The following PRKAG2 variants were observed in gnomAD, a reference collection of about 807,000 sequenced individuals.
The protein encoded by PRKAG2 is protein kinase AMP-activated non-catalytic subunit gamma 2.
A neutral mutation model predicts 69.6 loss-of-function variants in PRKAG2; 26 were observed. The ratio of observed to expected loss-of-function variants is 0.37; its 90% CI spans 0.27 to 0.52. PRKAG2 has a LOEUF of 0.52. Among genes scored for constraint, PRKAG2 ranks in the 20% least tolerant of loss-of-function variants. The probability of loss-of-function intolerance (pLI) is 0.90; values close to 1 mark genes in which losing one functional copy is unlikely to be tolerated. For synonymous variants in PRKAG2, 293 were observed against 285.0 expected, an observed-to-expected ratio of 1.03 and a Z score of -0.28; for missense variants, 557 against 740.0, an observed-to-expected ratio of 0.75 and a Z score of 2.87.
At chr7:151,656,024 C>T (rs1585536445) in intron 4 of PRKAG2, among the ~76,000 whole-genome samples, 1 of 152,092 alleles carries the variant, frequency 6.6e-6, no homozygotes, top group Admixed American at 6.6e-5. Flanking sequence ...CTGTTTGAAA[C>T]CCTGGAATTT....
rs1161672582 is a variant in PRKAG2, at chr7:151,568,562, CAG to C, written c.1233+152_1233+153del. The C allele has an allele frequency of 4.8e-5, 36 of 742,500 alleles. No individual in the cohort carries two copies. The East Asian group carries it at 9.8e-4, about 20-fold the overall frequency. The allele number at this position is 742,500 out of a possible 1,614,324, so 46.0% of individuals were successfully genotyped here. Reference sequence around the variant, plus strand: ...GAATCAACTTTAAGAATGTACAATTCAGAGAGTAGTAAGTTGAGAAACTGAAG... The same window carrying C: ...GAATCAACTTTAAGAATGTACAATTCAGAGTAGTAAGTTGAGAAACTGAAG... On this transcript the variant is annotated intron_variant, in intron 11 of 15. Coordinates refer to ENST00000287878, the MANE Select transcript of PRKAG2 (RefSeq NM_016203.4).
intron 1 of PRKAG2, among the ~76,000 whole-genome samples, chr7:151,875,258 G>A (rs1232338068): frequency 6.6e-6 from 1 of 151,766 alleles, no homozygotes; most frequent in African/African-American, 2.4e-5. Flanking sequence ...GGGGCTACTT[G>A]GCATCAGGTG....
At chr7:151,600,056 A>C (rs959984738) in intron 5 of PRKAG2, among the ~76,000 whole-genome samples, 2 of 152,162 alleles carry the variant, frequency 1.3e-5, no homozygotes, top group African/African-American at 4.8e-5. Flanking sequence ...GCTCAAGGAT[A>C]TGACTGGTGA....
At chr7:151,729,573 C>T (rs911695322) in intron 3 of PRKAG2, among the ~76,000 whole-genome samples, 19 of 152,118 alleles carry the variant, frequency 1.2e-4, no homozygotes, top group African/African-American at 4.6e-4. Flanking sequence ...TGCTCAAGAC[C>T]CCCGAGGGCC....
At chr7:151,858,860 C>T (rs1249708811) in intron 1 of PRKAG2, among the ~76,000 whole-genome samples, 1 of 152,110 alleles carries the variant, frequency 6.6e-6, no homozygotes, top group African/African-American at 2.4e-5. Flanking sequence ...TAAAGATGAA[C>T]GGAACACGAA....
chr7:151,651,739 C>T (rs1036860230), intron 4 of PRKAG2, among the ~76,000 whole-genome samples: 1 of 152,208 alleles, frequency 6.6e-6, no homozygotes, highest in Non-Finnish European at 1.5e-5. Context: ...CAAGAAACTA[C>T]CACTTGTCCT....
intron 6 of PRKAG2, among the ~76,000 whole-genome samples, chr7:151,594,474 T>C (rs190481025): frequency 7.4e-4 from 113 of 152,348 alleles, no homozygotes; most frequent in African/African-American, 2.3e-3. Context: ...TACATTGATA[T>C]AAAGTAAGTT....
In PRKAG2 at chr7:151,836,946, C is replaced by T. The variant is rs994234372; in HGVS notation, c.114+39561G>A. Among the ~76,000 whole-genome samples, 2 of 152,288 alleles carry T rather than the reference C, an allele frequency of 1.3e-5. No homozygotes were observed. Among genetic ancestry groups the T allele is most frequent in the East Asian group, 1.9e-4 (1 of 5,180 alleles). On this transcript the variant is annotated intron_variant, in intron 1 of 15. Transcript: ENST00000287878. The surrounding 1 kb of genome is among the most constrained non-coding windows in gnomAD (Gnocchi z 4.1). ...AGCCAGCTTGCGGGGACCCCCGAGA[C>T]GAGGTCCCTGCCAGACTGCCAATGT...
intron 3 of PRKAG2, among the ~76,000 whole-genome samples, chr7:151,770,242 C>T (rs2075955427): frequency 6.6e-6 from 1 of 152,184 alleles, no homozygotes; most frequent in Non-Finnish European, 1.5e-5. Context: ...TCTGACTAGC[C>T]TATGGAGGCT....
chr7:151,645,514 A>G (rs1416617036), intron 4 of PRKAG2, among the ~76,000 whole-genome samples: 1 of 152,216 alleles, frequency 6.6e-6, no homozygotes. Flanking sequence ...GCTATGAGAT[A>G]ATCAATGCAT....
intron 8 of PRKAG2, among the ~76,000 whole-genome samples, chr7:151,573,289 T>C (rs1808079899): frequency 6.6e-6 from 1 of 150,662 alleles, no homozygotes; most frequent in African/African-American, 2.4e-5. Context: ...TCTGAGTAAC[T>C]TGGACTACAG....
intron 3 of PRKAG2, among the ~76,000 whole-genome samples, chr7:151,727,834 GTGTC>G (rs1798250453): frequency 6.6e-6 from 1 of 152,182 alleles, no homozygotes; most frequent in Admixed American, 6.5e-5. Flanking sequence ...ATTAGCTGAT[GTGTC>G]ATCTCTTCCA....
chr7:151,714,780 T>A (rs1795895369), intron 3 of PRKAG2, among the ~76,000 whole-genome samples: 1 of 151,414 alleles, frequency 6.6e-6, no homozygotes, highest in African/African-American at 2.4e-5. Flanking sequence ...CGAAACCTCA[T>A]CTCTACTAAA....
intron 1 of PRKAG2, among the ~76,000 whole-genome samples, chr7:151,855,615 C>T (rs961596705): frequency 9.9e-5 from 15 of 151,368 alleles, no homozygotes; most frequent in Non-Finnish European, 1.5e-5. Context: ...ACCCTCCACA[C>T]ACACCACACT....
intron 1 of PRKAG2, among the ~76,000 whole-genome samples, chr7:151,862,714 T>C (rs2079962349): frequency 6.6e-6 from 1 of 152,212 alleles, no homozygotes; most frequent in South Asian, 2.1e-4. Flanking sequence ...AGGGACGCGG[T>C]GCCGTGGATG....
Position 151,831,505 on chromosome 7 carries a change from A to G in PRKAG2, c.115-44964T>C, listed in dbSNP as rs188054062. ...TCTTTTAGGTGAAGGAGTTTCCCTCACTTAATTCTCCCAAGAGGTGGCCCA... is the reference window on the plus strand; with the variant it reads ...TCTTTTAGGTGAAGGAGTTTCCCTCGCTTAATTCTCCCAAGAGGTGGCCCA... On this transcript the variant is annotated intron_variant, in intron 1 of 15. Coordinates refer to ENST00000287878, the MANE Select transcript of PRKAG2 (RefSeq NM_016203.4). 1.6e-3 allele frequency among the ~76,000 whole-genome samples: 240 copies of G among 152,330 alleles called. 1 individual carries two copies. The highest frequency in any genetic ancestry group is 5.1e-3 in the African/African-American group (213 of 41,572).
chr7:151,592,507 G>A (rs944754823), intron 6 of PRKAG2, among the ~76,000 whole-genome samples: 3 of 152,120 alleles, frequency 2.0e-5, no homozygotes, highest in Non-Finnish European at 2.9e-5. Flanking sequence ...GCACACCCTC[G>A]CATTCTGCTC....
At chr7:151,557,633 G>A in intron 15 of PRKAG2, 2 of 835,500 alleles carry the variant, frequency 2.4e-6, no homozygotes, top group Non-Finnish European at 2.9e-6. Flanking sequence ...ACTTTGGGAG[G>A]CCGAGGCGGG....
chr7:151,804,015 C>CTTGGCCCAGCCATGCCA (rs1563703638), intron 1 of PRKAG2, among the ~76,000 whole-genome samples: 1 of 152,040 alleles, frequency 6.6e-6, no homozygotes, highest in Non-Finnish European at 1.5e-5. Context: ...GAGTCATACC[C>CTTGGCCCAGCCATGCCA]TTGGCCCAGC....
Sources: allele counts gnomAD v4.1 joint callset (sites outside exome capture counted in the v4.1 genomes callset), GRCh38; gene constraint gnomAD v4.1.1; non-coding constraint Gnocchi (gnomAD v3.1); transcripts MANE v1.5; gene names NCBI Gene and HGNC (gene_info 2026-07-23, HGNC 2026-07-21).